The following ARHGAP10 variants were observed in gnomAD, a reference collection of about 807,000 sequenced individuals.
ARHGAP10 encodes Rho GTPase activating protein 10.
A neutral mutation model predicts 108.6 loss-of-function variants in ARHGAP10; 87 were observed. The observed-to-expected ratio is 0.80, with a 90% CI of 0.67 to 0.96. ARHGAP10 has a LOEUF of 0.96. Ranked by LOEUF, ARHGAP10 falls within the 40% of genes least tolerant of loss-of-function variation. ARHGAP10 has a pLI of 0.00. For missense variants in ARHGAP10, 939 were observed against 954.5 expected (o/e 0.98, Z 0.21); for synonymous variants, 347 against 341.1 (o/e 1.02, Z -0.19).
chr4:147,997,123 A>C (rs1431471471), intron 18 of ARHGAP10, among the ~76,000 whole-genome samples: 1 of 152,258 alleles, frequency 6.6e-6, no homozygotes, highest in Non-Finnish European at 1.5e-5. Context: ...AGATTCAAGA[A>C]GTTGTCACCC....
chr4:147,854,618 C>G, intron 4 of ARHGAP10: 1 of 812,706 alleles, frequency 1.2e-6, no homozygotes, highest in Non-Finnish European at 1.5e-6. Flanking sequence ...AAAAAAAAAG[C>G]TCCATTCTTT....
chr4:148,019,527 G>A (rs989840079), intron 18 of ARHGAP10, among the ~76,000 whole-genome samples: 8 of 151,982 alleles, frequency 5.3e-5, no homozygotes, highest in East Asian at 1.9e-4. Flanking sequence ...AGAGGCGGAC[G>A]GATCACGAGG....
chr4:147,828,610 T>G (rs907319893), intron 3 of ARHGAP10, among the ~76,000 whole-genome samples: 1 of 152,222 alleles, frequency 6.6e-6, no homozygotes, highest in East Asian at 1.9e-4. Context: ...AGAGGTGATA[T>G]CTGGGCTGAG....
intron 5 of ARHGAP10, among the ~76,000 whole-genome samples, chr4:147,860,198 T>A (rs979429695): frequency 6.6e-6 from 1 of 152,290 alleles, no homozygotes; most frequent in South Asian, 2.1e-4. Context: ...ATCCCAGCAC[T>A]GTGGGAGGCC....
At chr4:148,040,911 G>A (rs1048067442) in intron 19 of ARHGAP10, among the ~76,000 whole-genome samples, 5 of 152,160 alleles carry the variant, frequency 3.3e-5, no homozygotes, top group African/African-American at 1.2e-4. Flanking sequence ...TATCACAAGA[G>A]TGTTTCTGTG....
At chr4:148,048,758 A>G (rs1323774978) in intron 20 of ARHGAP10, among the ~76,000 whole-genome samples, 2 of 152,204 alleles carry the variant, frequency 1.3e-5, no homozygotes, top group Non-Finnish European at 1.5e-5. Flanking sequence ...ATTATGAGCC[A>G]CGGTACAGCC....
chr4:148,004,812 A>G lies in ARHGAP10; in HGVS notation c.1717-18451A>G, dbSNP rs538524884. Among the ~76,000 whole-genome samples, 3 of 152,370 alleles carry G rather than the reference A, an allele frequency of 2.0e-5. No individual in the cohort carries two copies. In the East Asian group the frequency reaches 5.8e-4, roughly 29 times the overall value. On this transcript the variant is annotated intron_variant, in intron 18 of 22. Coordinates refer to ENST00000336498, the MANE Select transcript of ARHGAP10 (RefSeq NM_024605.4). ...GTGGGCTGAGGACCTCCAGAGCAGA[A>G]GACACAGTTTAGCTGTGCTTAGCCT...
intron 1 of ARHGAP10, among the ~76,000 whole-genome samples, chr4:147,799,767 C>T (rs1239819181): frequency 1.3e-5 from 2 of 152,146 alleles, no homozygotes; most frequent in Non-Finnish European, 1.5e-5. Context: ...TTAAAATCCT[C>T]ATCAGATAAT....
intron 20 of ARHGAP10, among the ~76,000 whole-genome samples, chr4:148,061,301 A>C (rs1183856048): frequency 6.6e-6 from 1 of 152,086 alleles, no homozygotes; most frequent in East Asian, 1.9e-4. Flanking sequence ...AAAACATCTC[A>C]TCTTCCTCCA....
At chr4:147,759,951 T>C (rs1401348128) in intron 1 of ARHGAP10, among the ~76,000 whole-genome samples, 5 of 152,154 alleles carry the variant, frequency 3.3e-5, no homozygotes, top group Non-Finnish European at 2.9e-5. Flanking sequence ...TGTTTCACCA[T>C]GTTGGCCAGG....
At chr4:147,968,239 G>A (rs1173396115) in intron 18 of ARHGAP10, among the ~76,000 whole-genome samples, 1 of 152,142 alleles carries the variant, frequency 6.6e-6, no homozygotes. Context: ...CCACCTTGAG[G>A]GCCTGCCTCT....
chr4:147,802,388 T>A (rs989934034), intron 1 of ARHGAP10, among the ~76,000 whole-genome samples: 1 of 152,208 alleles, frequency 6.6e-6, no homozygotes, highest in Non-Finnish European at 1.5e-5. Context: ...AAACTTGTTT[T>A]CTCTAAAGCA....
intron 16 of ARHGAP10, among the ~76,000 whole-genome samples, chr4:147,959,384 A>G (rs1738906813): frequency 6.6e-6 from 1 of 152,174 alleles, no homozygotes; most frequent in Admixed American, 6.6e-5. Flanking sequence ...TTTTAAAATT[A>G]TACTCTAAGT....
At chr4:147,747,696 T>C (rs1353808338) in intron 1 of ARHGAP10, among the ~76,000 whole-genome samples, 1 of 152,206 alleles carries the variant, frequency 6.6e-6, no homozygotes, top group Non-Finnish European at 1.5e-5. Flanking sequence ...AACTTTTTCT[T>C]CCCCTTTCTT....
At chr4:147,765,337 T>TGTGTGG (rs540944488) in intron 1 of ARHGAP10, among the ~76,000 whole-genome samples, 2 of 58,608 alleles carry the variant, frequency 3.4e-5, no homozygotes, top group Non-Finnish European at 3.5e-5. Context: ...TGTGTGTGTG[T>TGTGTGG]GGGGGGGGGG....
chr4:147,931,442 A>G (rs892349099), intron 13 of ARHGAP10, among the ~76,000 whole-genome samples: 8 of 152,186 alleles, frequency 5.3e-5, no homozygotes, highest in African/African-American at 1.9e-4. Flanking sequence ...TAATTTGGAT[A>G]TTTTAACTTT....
intron 1 of ARHGAP10, among the ~76,000 whole-genome samples, chr4:147,753,971 T>G (rs529509063): frequency 4.7e-4 from 71 of 152,312 alleles, no homozygotes; most frequent in South Asian, 1.7e-3. Flanking sequence ...CTGCTACTAC[T>G]CGTTCTAAGA....
intron 18 of ARHGAP10, among the ~76,000 whole-genome samples, chr4:147,973,569 A>G (rs183110778): frequency 1.3e-5 from 2 of 152,248 alleles, no homozygotes; most frequent in Admixed American, 1.3e-4. Context: ...TTATTTTTAA[A>G]TGTGTAAGAA....
Position 147,742,484 on chromosome 4 carries a change from T to A in ARHGAP10, c.154+10029T>A, listed in dbSNP as rs868393592. On this transcript the variant is annotated intron_variant, in intron 1 of 22. Coordinates refer to ENST00000336498, the MANE Select transcript of ARHGAP10 (RefSeq NM_024605.4). Reference sequence around the variant, plus strand: ...GAAATAGTCTGTGAACACTTTTTTTTTTTTTTTTTTTTTTTTGAGATGGAG... The same window carrying A: ...GAAATAGTCTGTGAACACTTTTTTTATTTTTTTTTTTTTTTTGAGATGGAG... 7.8e-3 allele frequency among the ~76,000 whole-genome samples: 1,082 copies of A among 138,828 alleles called. 10 individuals are homozygous for A. Among genetic ancestry groups the A allele is most frequent in the African/African-American group, 0.027 (1,032 of 37,830 alleles). The allele number at this position is 138,828 out of a possible 152,430, so 91.1% of individuals were successfully genotyped here.
Sources: allele counts gnomAD v4.1 joint callset (sites outside exome capture counted in the v4.1 genomes callset), GRCh38; gene constraint gnomAD v4.1.1; transcripts MANE v1.5; gene names NCBI Gene and HGNC (gene_info 2026-07-23, HGNC 2026-07-21).